The following GTPBP1 variants were observed in gnomAD, a reference collection of about 807,000 sequenced individuals.
GTPBP1 encodes the protein GTP binding protein 1, also known as GTP-binding protein 1.
A neutral mutation model predicts 62.0 loss-of-function variants in GTPBP1; 23 were observed. The ratio of observed to expected loss-of-function variants is 0.37; its 90% CI spans 0.27 to 0.53. The LOEUF is 0.53. Among genes scored for constraint, GTPBP1 ranks in the 20% least tolerant of loss-of-function variants. The pLI is 0.89. For synonymous variants in GTPBP1, 344 were observed against 364.4 expected, an observed-to-expected ratio of 0.94 and a Z score of 0.64; for missense variants, 640 against 917.3, an observed-to-expected ratio of 0.70 and a Z score of 3.90.
downstream of GTPBP1, chr22:38,740,532 G>A: frequency 7.6e-7 from 1 of 1,307,770 alleles, no homozygotes; most frequent in Non-Finnish European, 1.0e-6. This position sits in a 1 kb window ranked among gnomAD's most constrained non-coding sequence, Gnocchi z 4.8. Flanking sequence ...CCCGTCAGGA[G>A]AGCGGGTGCC....
chr22:38,723,077 A>T, intron 5 of GTPBP1: 2 of 774,922 alleles, frequency 2.6e-6, no homozygotes, highest in Non-Finnish European at 4.7e-6. Context: ...TGGTGTATTT[A>T]TCCAGGCAAG....
chr22:38,723,358 A>G (rs2092710850), intron 5 of GTPBP1: 1 of 846,126 alleles, frequency 1.2e-6, no homozygotes, highest in Non-Finnish European at 2.0e-6. Context: ...ATTTTGCTTG[A>G]CTGGAACCAG....
chr22:38,736,070 G>T, downstream of GTPBP1: 1 of 646,676 alleles, frequency 1.5e-6, no homozygotes. Flanking sequence ...AAGGAAGAAG[G>T]GAGCTGCTGG....
At chr22:38,740,825 C>T, downstream of GTPBP1, 1 of 665,728 alleles carries the variant, frequency 1.5e-6, no homozygotes, top group South Asian at 1.8e-5. The surrounding 1 kb of genome is among the most constrained non-coding windows in gnomAD (Gnocchi z 4.8). Context: ...TGCTAACCTC[C>T]ATGGCACCTC....
At position 38,715,986 on chromosome 22, in the gene GTPBP1, G is replaced by A. The variant is rs2092667835; in HGVS notation, c.384G>A (p.Glu128=). Residue 128 remains glutamate, a synonymous_variant, in exon 3 of 12, where the codon GAG becomes GAA. Coordinates refer to ENST00000216044, the MANE Select transcript of GTPBP1 (RefSeq NM_004286.5). ...ATVKSMAEQI[E]ADVILLRERQ... The stretch of plus-strand genomic sequence containing the variant: ...TGAAGAGCATGGCGGAACAGATAGA[G>A]GCCGATGTCATCCTTCTGCGGGAAC... 6.2e-7 allele frequency: 1 copy of A among 1,614,130 alleles called. No individual in the cohort carries two copies.
chr22:38,733,993 C>T (rs1050559487), downstream of GTPBP1, among the ~76,000 whole-genome samples: 4 of 152,160 alleles, frequency 2.6e-5, no homozygotes, highest in East Asian at 1.9e-4. Context: ...GAGCAGGTGT[C>T]AGTGAAGGGG....
At chr22:38,741,354 A>T, downstream of GTPBP1, 1 of 883,294 alleles carries the variant, frequency 1.1e-6, no homozygotes, top group Non-Finnish European at 1.8e-6. Flanking sequence ...CGGGGGTCAA[A>T]CAGAGAAGTC....
chr22:38,708,754 G>T, intron 1 of GTPBP1, 91 bp from the exon 2 acceptor site: 1 of 768,860 alleles, frequency 1.3e-6, no homozygotes, highest in South Asian at 1.4e-5. Context: ...ATGGGGTTCA[G>T]TCAGGATCTT....
At position 38,726,141 on chromosome 22, in the gene GTPBP1, C is replaced by T. The variant is rs377072435; in HGVS notation, c.1209C>T (p.Tyr403=). 183 of 1,612,528 alleles carry T rather than the reference C, an allele frequency of 1.1e-4. No homozygotes were observed. The highest frequency in any genetic ancestry group is 1.5e-4 in the Non-Finnish European group (176 of 1,178,762). ...EPAEFQIDDT[Y]SVPGVGTVVS... ...CTGAGTTTCAGATTGATGACACCTA[C>T]TCCGTCCCGGTAAGTGGCTCTGGGC... is the stretch of plus-strand genomic sequence containing the variant. Residue 403 remains tyrosine (Y), a synonymous_variant, in exon 7 of 12, where the codon TAC becomes TAT. Transcript: ENST00000216044. This position sits in a 1 kb window ranked among gnomAD's most constrained non-coding sequence, Gnocchi z 4.1.
intron 4 of GTPBP1, among the ~76,000 whole-genome samples, chr22:38,719,781 A>G (rs1170241788): frequency 1.3e-5 from 2 of 151,998 alleles, no homozygotes; most frequent in Non-Finnish European, 2.9e-5. Context: ...TTTACAATCA[A>G]GAAAATGAAG....
chr22:38,708,068 A>C (rs957811120), intron 1 of GTPBP1, among the ~76,000 whole-genome samples: 3 of 152,242 alleles, frequency 2.0e-5, no homozygotes, highest in Non-Finnish European at 2.9e-5. Context: ...TAGATGCTTT[A>C]CATGTTATTA....
At chr22:38,718,409 T>C (rs1389113668) in intron 4 of GTPBP1, among the ~76,000 whole-genome samples, 3 of 152,222 alleles carry the variant, frequency 2.0e-5, no homozygotes, top group Non-Finnish European at 4.4e-5. Flanking sequence ...TTAACCTTTC[T>C]GTAGAAAACA....
At chr22:38,738,315 C>T, downstream of GTPBP1, 1 of 1,491,716 alleles carries the variant, frequency 6.7e-7, no homozygotes, top group South Asian at 1.2e-5. This position sits in a 1 kb window ranked among gnomAD's most constrained non-coding sequence, Gnocchi z 6.6. Context: ...AGGGAGAACA[C>T]CCCTCCCCAC....
At position 38,731,049 on chromosome 22, in the gene GTPBP1, T is replaced by TGG. The variant is rs1556001707; in HGVS notation, c.*346_*347dup. ...GTGTGTGTGTGTGTGTGTGTGTGTG[T>TGG]GGTGCAGGAGTGCCACCCCCAGGGC... is the stretch of plus-strand genomic sequence containing the variant. On this transcript the variant is annotated 3_prime_UTR_variant, in exon 12 of 12. Transcript: ENST00000216044. 8.8e-6 allele frequency: 2 copies of TGG among 226,260 alleles called. No homozygotes were observed. Among genetic ancestry groups the TGG allele is most frequent in the Non-Finnish European group, 1.7e-5 (2 of 115,604 alleles). The allele number at this position is 226,260 out of a possible 1,614,324, so 14.0% of individuals were successfully genotyped here.
rs372786995 is a variant in GTPBP1 at position 38,727,979 on chromosome 22, A to T, written c.1538-4A>T. On this transcript the variant is annotated splice_region_variant and splice_polypyrimidine_tract_variant and intron_variant, in intron 9 of 11. Coordinates refer to ENST00000216044, the MANE Select transcript of GTPBP1 (RefSeq NM_004286.5). The surrounding 1 kb of genome is among the most constrained non-coding windows in gnomAD (Gnocchi z 6.5). Reference sequence around the variant, plus strand: ...CCTATCCTGACCTCTGGCTTCCTTGACAGTGCACTGTGGGAGCATCAGGCA... The same window carrying T: ...CCTATCCTGACCTCTGGCTTCCTTGTCAGTGCACTGTGGGAGCATCAGGCA... The T allele has an allele frequency of 3.1e-6, 5 of 1,613,240 alleles. No homozygotes were observed. The Admixed American group carries it at 8.3e-5, about 27-fold the overall frequency.
chr22:38,709,161 A>G (rs1430078045), intron 2 of GTPBP1, among the ~76,000 whole-genome samples: 1 of 151,984 alleles, frequency 6.6e-6, no homozygotes, highest in Non-Finnish European at 1.5e-5. Context: ...TAGTGGTGGC[A>G]GGCGCCTGTA....
intron 10 of GTPBP1, 129 bp downstream of exon 10, chr22:38,728,290 G>A (rs889129059): frequency 1.6e-5 from 11 of 676,974 alleles, no homozygotes; most frequent in Middle Eastern, 3.9e-4. Context: ...GTGTGGCCTC[G>A]GTGCCATCTC....
intron 2 of GTPBP1, among the ~76,000 whole-genome samples, chr22:38,715,058 C>A (rs1275360404): frequency 6.6e-6 from 1 of 152,144 alleles, no homozygotes; most frequent in Non-Finnish European, 1.5e-5. Flanking sequence ...CTGAGTTCCT[C>A]CCCCATTTTC....
At position 38,725,944 on chromosome 22, in the gene GTPBP1, G is replaced by A. The variant is rs988649783; in HGVS notation, c.1074-62G>A. On this transcript the variant is annotated intron_variant, in intron 6 of 11. Transcript: ENST00000216044. ...TGTTGCTGCCCCTGGTCTGTGTCAG[G>A]GCAGGACCTGGTCTCCTGAGTGCCT... is the stretch of plus-strand genomic sequence containing the variant. The A allele has an allele frequency of 2.7e-5, 41 of 1,530,700 alleles. No homozygotes were observed. The Admixed American group carries it at 5.4e-4, about 20-fold the overall frequency. 94.8% of individuals were successfully genotyped at this position (1,530,700 alleles called of 1,614,324 possible).
Sources: gnomAD v4.1 joint callset for allele counts (sites outside exome capture counted in the v4.1 genomes callset) on GRCh38, gnomAD v4.1.1 for gene constraint, Gnocchi (gnomAD v3.1) non-coding constraint, MANE v1.5 for transcripts, NCBI Gene and HGNC (gene_info 2026-07-23, HGNC 2026-07-21) for gene names.